TLCD3A: variants seen among roughly 807,000 people sequenced by gnomAD.
The protein encoded by TLCD3A is TLC domain containing 3A.
Under a neutral mutation model 29.9 loss-of-function variants are expected in TLCD3A, and 17 were observed. The ratio of observed to expected loss-of-function variants is 0.57; its 90% CI spans 0.39 to 0.85. The LOEUF is 0.85. Ranked by LOEUF, TLCD3A falls within the 40% of genes least tolerant of loss-of-function variation. The pLI is 0.00. For missense variants in TLCD3A, 332 were observed against 350.8 expected (o/e 0.95, Z 0.43); for synonymous variants, 143 against 147.7 (o/e 0.97, Z 0.23).
intron 4 of TLCD3A, 105 bp downstream of exon 4, chr17:740,705 A>G: frequency 8.5e-7 from 1 of 1,172,086 alleles, no homozygotes; most frequent in Non-Finnish European, 1.2e-6. Flanking sequence ...GTATGAATGA[A>G]TGGCAGAGAG....
intron 2 of TLCD3A, among the ~76,000 whole-genome samples, chr17:737,381 GACAAGAGAAAACTC>G (rs1369480785): frequency 1.3e-5 from 2 of 152,104 alleles, no homozygotes; most frequent in Non-Finnish European, 2.9e-5. Context: ...GTTGCATGCA[GACAAGAGAAAACTC>G]ACAGGTTCCA....
chr17:738,041 C>A lies in TLCD3A; in HGVS notation c.402C>A (p.Val134=). 1 of 1,543,464 alleles carries A rather than the reference C, an allele frequency of 6.5e-7. No individual in the cohort carries two copies. Among genetic ancestry groups the A allele is most frequent in the South Asian group, 1.1e-5 (1 of 89,934 alleles). Residue 134 remains valine (V), a synonymous_variant, in exon 3 of 5, where the codon GTC becomes GTA. Transcript: ENST00000308278. ...TCATTCTCTTTGTCCTTGTGCCAGT[C>A]GCACAGGTATGGCCTTCCAGGACAG... is the stretch of plus-strand genomic sequence containing the variant. ...HAVILFVLVP[V]AQRLRGDLGD...
intron 2 of TLCD3A, among the ~76,000 whole-genome samples, chr17:737,641 T>C (rs1974176160): frequency 6.6e-6 from 1 of 152,064 alleles, no homozygotes. Flanking sequence ...CAGGGCTGAG[T>C]GAATGCCTGC....
chr17:741,261 T>C (rs1299564426), intron 4 of TLCD3A, 40 bp from the exon 5 acceptor site: 2 of 1,608,780 alleles, frequency 1.2e-6, no homozygotes, highest in Admixed American at 1.7e-5. Context: ...ATGCCCAGCT[T>C]CTTGGTGACC....
chr17:740,509 T>C lies in TLCD3A; in HGVS notation c.413T>C (p.Leu138Pro). 1.9e-6 allele frequency: 3 copies of C among 1,614,030 alleles called. No homozygotes were observed. Among genetic ancestry groups the C allele is most frequent in the Non-Finnish European group, 2.5e-6 (3 of 1,179,902 alleles). Residue 138 changes from leucine to proline, a missense_variant, in exon 4 of 5, where the codon CTC becomes CCC. Physicochemically the swap from Leu to Pro is moderately conservative, Grantham distance 98 (BLOSUM62 -3). Coordinates refer to ENST00000308278, the MANE Select transcript of TLCD3A (RefSeq NM_024792.3). ...TTTTCGTTTCGTCATCCGCAGAGGC[T>C]CCGGGGAGACCTTGGGGACTTCTTT... ...LFVLVPVAQR[L>P]RGDLGDFFVG...
intron 2 of TLCD3A, among the ~76,000 whole-genome samples, chr17:733,901 G>C (rs1416651173): frequency 3.3e-5 from 5 of 152,136 alleles, no homozygotes; most frequent in Non-Finnish European, 7.3e-5. Flanking sequence ...GAAGTTGAAC[G>C]GCCTTTCCAG....
At chr17:735,756 G>A (rs1264474892) in intron 2 of TLCD3A, among the ~76,000 whole-genome samples, 1 of 151,816 alleles carries the variant, frequency 6.6e-6, no homozygotes, top group Non-Finnish European at 1.5e-5. Flanking sequence ...CTTGAGGTCA[G>A]GAGCTTGAGA....
intron 2 of TLCD3A, among the ~76,000 whole-genome samples, chr17:734,029 C>G (rs979293395): frequency 1.3e-5 from 2 of 152,182 alleles, no homozygotes; most frequent in African/African-American, 4.8e-5. Context: ...TGGGATCAAT[C>G]CTGCTGTCAT....
rs1488974116 is a variant in TLCD3A at position 741,560 on chromosome 17, A to C, written c.764A>C (p.Lys255Thr). ...CTCTTTGACACTCCCCAAGCCAAAA[A>C]GGATGGCTAAATGCTCCTGGGAGTC... The part of the protein sequence containing the change: ...VRLFDTPQAK[K>T]DG Residue 255 changes from lysine (K) to threonine (T), a missense_variant, in exon 5 of 5, where the codon AAG becomes ACG. Lys to Thr is a moderately conservative substitution (Grantham distance 78). Transcript: ENST00000308278. 1 of 1,612,932 alleles carries C rather than the reference A, an allele frequency of 6.2e-7. No individual in the cohort carries two copies. The highest frequency in any genetic ancestry group is 2.2e-5 in the East Asian group (1 of 44,890).
At chr17:732,801 C>G (rs1435280587) in intron 1 of TLCD3A, 32 bp downstream of exon 1, 9 of 1,433,196 alleles carry the variant, frequency 6.3e-6, no homozygotes, top group Non-Finnish European at 7.3e-6. Context: ...CCCCCGAGGC[C>G]CGGGGCGCTG....
chr17:738,035 G>T lies in TLCD3A; in HGVS notation c.396G>T (p.Val132=), dbSNP rs778751666. Residue 132 remains valine (V), a synonymous_variant, in exon 3 of 5, where the codon GTG becomes GTT. Coordinates refer to ENST00000308278, the MANE Select transcript of TLCD3A (RefSeq NM_024792.3). The stretch of plus-strand genomic sequence containing the variant: ...ATGCGGTCATTCTCTTTGTCCTTGT[G>T]CCAGTCGCACAGGTATGGCCTTCCA... ...THHAVILFVL[V]PVAQRLRGDL... 6.2e-7 allele frequency: 1 copy of T among 1,603,536 alleles called. No individual in the cohort carries two copies. Among genetic ancestry groups the T allele is most frequent in the South Asian group, 1.1e-5 (1 of 90,856 alleles).
Position 742,590 on chromosome 17 carries a change from C to T in TLCD3A, c.*1020C>T, listed in dbSNP as rs1974275597. ...GCCCATTCCTGTGTGTCCGTCCTGC[C>T]ATTTAGCCACAGAAGGCTGCGGAGT... On this transcript the variant is annotated 3_prime_UTR_variant, in exon 5 of 5. Transcript: ENST00000308278. 1 of 152,344 alleles carries T rather than the reference C, an allele frequency of 6.6e-6. No homozygotes were observed. The highest frequency in any genetic ancestry group is 1.5e-5 in the Non-Finnish European group (1 of 68,070). The allele number at this position is 152,344 out of a possible 1,614,324, so 9.4% of individuals were successfully genotyped here.
chr17:734,345 C>T (rs959663461), intron 2 of TLCD3A, among the ~76,000 whole-genome samples: 58 of 149,656 alleles, frequency 3.9e-4, no homozygotes, highest in African/African-American at 1.3e-3. Context: ...TTTTTCCTGT[C>T]GAGACCTCAG....
At chr17:733,447 C>T (rs1974107795) in intron 2 of TLCD3A, among the ~76,000 whole-genome samples, 1 of 152,188 alleles carries the variant, frequency 6.6e-6, no homozygotes, top group African/African-American at 2.4e-5. Context: ...AGCGTGGAAG[C>T]ATTTACGACT....
chr17:739,172 C>CA (rs1974210191), intron 3 of TLCD3A, among the ~76,000 whole-genome samples: 1 of 146,766 alleles, frequency 6.8e-6, no homozygotes, highest in Admixed American at 6.9e-5. Context: ...GGAAGGCATG[C>CA]GTTTTTTTTT....
intron 3 of TLCD3A, 130 bp downstream of exon 3, chr17:738,177 C>A: frequency 1.4e-6 from 1 of 699,834 alleles, no homozygotes; most frequent in South Asian, 2.0e-5. Flanking sequence ...CTCACTGCAA[C>A]CTCCGCCTCC....
chr17:734,321 T>G lies in TLCD3A; in HGVS notation c.206+1140T>G, dbSNP rs924942. 2.1e-4 allele frequency among the ~76,000 whole-genome samples: 29 copies of G among 139,294 alleles called. No homozygotes were observed. The East Asian group carries it at 5.9e-3, about 28-fold the overall frequency. 91.4% of individuals were successfully genotyped at this position (139,294 alleles called of 152,430 possible). On this transcript the variant is annotated intron_variant, in intron 2 of 4. Coordinates refer to ENST00000308278, the MANE Select transcript of TLCD3A (RefSeq NM_024792.3). ...GGCATGAGCCACCACACCCAGCAAA[T>G]TTTTTACTTTTTTTTTTTCCTGTCG...
chr17:739,585 G>A (rs559741163), intron 3 of TLCD3A, among the ~76,000 whole-genome samples: 1 of 152,342 alleles, frequency 6.6e-6, no homozygotes, highest in Non-Finnish European at 1.5e-5. Context: ...GGATCCTCCC[G>A]TCTCAGCCTC....
Position 741,664 on chromosome 17 carries a change from G to C in TLCD3A, c.*94G>C, listed in dbSNP as rs907391617. On this transcript the variant is annotated 3_prime_UTR_variant, in exon 5 of 5. Transcript: ENST00000308278. ...TGTGCCCTGGGTAGCCTCAGACTTT[G>C]GGTATTGATAAGCCGATGGATTTGA... 26 of 1,440,928 alleles carry C rather than the reference G, an allele frequency of 1.8e-5. No individual in the cohort carries two copies. The African/African-American group carries it at 3.0e-4, about 16-fold the overall frequency. The allele number at this position is 1,440,928 out of a possible 1,614,324, so 89.3% of individuals were successfully genotyped here.
Sources: gnomAD v4.1 joint callset for allele counts (sites outside exome capture counted in the v4.1 genomes callset) on GRCh38, gnomAD v4.1.1 for gene constraint, MANE v1.5 for transcripts, NCBI Gene and HGNC (gene_info 2026-07-23, HGNC 2026-07-21) for gene names.